The following FUT8 variants were observed in gnomAD, a reference collection of about 807,000 sequenced individuals.
The protein encoded by FUT8 is alpha-(1,6)-fucosyltransferase.
A neutral mutation model predicts 71.3 loss-of-function variants in FUT8; 29 were observed. The observed-to-expected ratio is 0.41, with a 90% CI of 0.30 to 0.55. The LOEUF (loss-of-function observed/expected upper bound fraction) is 0.55. Ranked by LOEUF, FUT8 falls within the 20% of genes least tolerant of loss-of-function variation. FUT8 has a pLI of 0.34. For missense variants in FUT8, 544 were observed against 702.1 expected (o/e 0.77, Z 2.55); for synonymous variants, 254 against 239.3 (o/e 1.06, Z -0.57).
At chr14:65,499,486 A>G (rs1400824601) in intron 2 of FUT8, among the ~76,000 whole-genome samples, 1 of 151,942 alleles carries the variant, frequency 6.6e-6, no homozygotes, top group Non-Finnish European at 1.5e-5. Flanking sequence ...ATAAATATCT[A>G]CTTTATAGGT....
At chr14:65,478,865 A>G (rs1031123335) in intron 2 of FUT8, among the ~76,000 whole-genome samples, 3 of 152,180 alleles carry the variant, frequency 2.0e-5, no homozygotes, top group Admixed American at 6.5e-5. Context: ...TAATTGATGA[A>G]TCATTCTTTG....
intron 6 of FUT8, among the ~76,000 whole-genome samples, chr14:65,664,666 T>C (rs1892122917): frequency 6.6e-6 from 1 of 152,132 alleles, no homozygotes; most frequent in Non-Finnish European, 1.5e-5. Context: ...GGAATCATTT[T>C]ATAGACTGCA....
intron 1 of FUT8, among the ~76,000 whole-genome samples, chr14:65,421,493 A>G (rs543427732): frequency 1.3e-5 from 2 of 152,014 alleles, no homozygotes; most frequent in South Asian, 4.1e-4. Flanking sequence ...TCCTTCTTCC[A>G]CCGTTTGCTT....
intron 6 of FUT8, among the ~76,000 whole-genome samples, chr14:65,637,231 G>A (rs1419473236): frequency 1.3e-5 from 2 of 152,128 alleles, no homozygotes; most frequent in East Asian, 3.9e-4. Flanking sequence ...CATAATATAA[G>A]TCATTTTCCT....
intron 3 of FUT8, among the ~76,000 whole-genome samples, chr14:65,611,484 ATTAC>A (rs1394903226): frequency 6.6e-6 from 1 of 151,008 alleles, no homozygotes; most frequent in African/African-American, 2.4e-5. Flanking sequence ...TCTGATCTTT[ATTAC>A]TTCGTTTCTT....
chr14:65,700,034 A>T (rs573347327), intron 7 of FUT8, among the ~76,000 whole-genome samples: 1 of 152,318 alleles, frequency 6.6e-6, no homozygotes, highest in East Asian at 1.9e-4. Context: ...AGGAAAAGAA[A>T]TAATTTGTTG....
chr14:65,624,463 T>C (rs531986549), intron 5 of FUT8, among the ~76,000 whole-genome samples: 12 of 152,216 alleles, frequency 7.9e-5, no homozygotes, highest in Non-Finnish European at 1.5e-4. Flanking sequence ...TCATTCACAA[T>C]GGTAAAGGAA....
chr14:65,461,301 A>G (rs993268650), intron 2 of FUT8, among the ~76,000 whole-genome samples: 3 of 152,170 alleles, frequency 2.0e-5, no homozygotes, highest in Non-Finnish European at 2.9e-5. Flanking sequence ...TGTCCTTCTT[A>G]TAAGGATTCC....
chr14:65,693,801 C>T (rs1232575839), intron 7 of FUT8, among the ~76,000 whole-genome samples: 1 of 152,164 alleles, frequency 6.6e-6, no homozygotes, highest in Non-Finnish European at 1.5e-5. Context: ...TAGAATTCAC[C>T]AGTGAAACTA....
intron 3 of FUT8, among the ~76,000 whole-genome samples, chr14:65,611,248 C>T (rs1594815556): frequency 2.2e-5 from 1 of 44,844 alleles, no homozygotes; most frequent in African/African-American, 1.1e-4. Flanking sequence ...CACACACACA[C>T]ACACACACAC....
chr14:65,645,009 A>T (rs1349972249), intron 6 of FUT8, among the ~76,000 whole-genome samples: 1 of 152,206 alleles, frequency 6.6e-6, no homozygotes, highest in Non-Finnish European at 1.5e-5. Flanking sequence ...AAACAGCTAA[A>T]TATACTGCAG....
At chr14:65,629,333 T>C (rs1890055167) in intron 5 of FUT8, among the ~76,000 whole-genome samples, 159 bp from the exon 6 acceptor site, 1 of 152,232 alleles carries the variant, frequency 6.6e-6, no homozygotes, top group Admixed American at 6.5e-5. Flanking sequence ...AAGAGACTAA[T>C]TTTTGAATTG....
At chr14:65,481,778 A>T (rs917697203) in intron 2 of FUT8, among the ~76,000 whole-genome samples, 1 of 152,252 alleles carries the variant, frequency 6.6e-6, no homozygotes, top group East Asian at 1.9e-4. Flanking sequence ...TTTCTTTGGT[A>T]AAATATCTGT....
At position 65,638,819 on chromosome 14, in the gene FUT8, G is replaced by T. The variant is rs768882524; in HGVS notation, c.597+9213G>T. ...TCACATATTCTTAGAGTTGTGAATT[G>T]TGTTCTACCAAGTAATTCAGATTGC... On this transcript the variant is annotated intron_variant, in intron 6 of 10. Transcript: ENST00000673929. The surrounding 1 kb of genome is among the most constrained non-coding windows in gnomAD (Gnocchi z 4.5). Among the ~76,000 whole-genome samples the T allele has an allele frequency of 8.5e-5, 13 of 152,184 alleles. No individual in the cohort carries two copies. Among genetic ancestry groups the T allele is most frequent in the Non-Finnish European group, 1.5e-4 (10 of 68,034 alleles).
intron 3 of FUT8, among the ~76,000 whole-genome samples, chr14:65,573,073 G>T (rs1262843113): frequency 1.3e-5 from 2 of 152,142 alleles, no homozygotes; most frequent in Admixed American, 1.3e-4. Flanking sequence ...AGGCTGTCTT[G>T]TCATAATGAA....
chr14:65,533,581 A>G (rs1364303707), intron 2 of FUT8, among the ~76,000 whole-genome samples: 1 of 152,148 alleles, frequency 6.6e-6, no homozygotes, highest in Non-Finnish European at 1.5e-5. Flanking sequence ...TTGTAGGTAT[A>G]GAATCATGTC....
Position 65,689,343 on chromosome 14 carries a change from T to C in FUT8, c.835+19863T>C, listed in dbSNP as rs527474563. Among the ~76,000 whole-genome samples, 374 of 152,314 alleles carry C rather than the reference T, an allele frequency of 2.5e-3. 3 individuals are homozygous for C. Among genetic ancestry groups the C allele is most frequent in the South Asian group, 4.8e-3 (23 of 4,826 alleles). ...CTCAGGTCTTTTGCCCATTTTATAA[T>C]TGGGTTGTTAGCTTTCTTACTATTA... On this transcript the variant is annotated intron_variant, in intron 7 of 10. Transcript: ENST00000673929.
chr14:65,739,928 A>G (rs1896409619), intron 10 of FUT8, among the ~76,000 whole-genome samples: 1 of 152,054 alleles, frequency 6.6e-6, no homozygotes, highest in Non-Finnish European at 1.5e-5. Flanking sequence ...ACATTAGATA[A>G]TGTCTAAAAA....
At chr14:65,519,316 T>C (rs916129676) in intron 2 of FUT8, among the ~76,000 whole-genome samples, 6 of 152,190 alleles carry the variant, frequency 3.9e-5, no homozygotes, top group Admixed American at 6.5e-5. Context: ...AAATGAGATA[T>C]TTATTGGCTG....
Sources: allele counts gnomAD v4.1 joint callset (sites outside exome capture counted in the v4.1 genomes callset), GRCh38; gene constraint gnomAD v4.1.1; non-coding constraint Gnocchi (gnomAD v3.1); transcripts MANE v1.5; gene names NCBI Gene and HGNC (gene_info 2026-07-23, HGNC 2026-07-21).